CRACD: variants seen among roughly 807,000 people sequenced by gnomAD.
CRACD encodes capping protein inhibiting regulator of actin dynamics.
A neutral mutation model predicts 106.8 loss-of-function variants in CRACD; 56 were observed. The observed-to-expected ratio is 0.52, with a 90% CI of 0.42 to 0.66. CRACD has a LOEUF of 0.66. CRACD is among the 30% of genes least tolerant of loss of function. The pLI is 0.00. For synonymous variants in CRACD, 754 were observed against 670.8 expected, an observed-to-expected ratio of 1.12 and a Z score of -1.92; for missense variants, 1,730 against 1,623.2, an observed-to-expected ratio of 1.07 and a Z score of -1.13.
chr4:56,210,542 A>T (rs996889803), intron 2 of CRACD, among the ~76,000 whole-genome samples: 1 of 152,230 alleles, frequency 6.6e-6, no homozygotes, highest in Non-Finnish European at 1.5e-5. Flanking sequence ...TGCAGCTTTA[A>T]AGAGAGGACA....
intron 2 of CRACD, among the ~76,000 whole-genome samples, chr4:56,255,810 G>A (rs1407116505): frequency 6.6e-6 from 1 of 152,134 alleles, no homozygotes; most frequent in Admixed American, 6.5e-5. Flanking sequence ...TTGGATTTTG[G>A]AGGCAACGTA....
At chr4:56,123,266 C>T (rs1449771379) in intron 1 of CRACD, among the ~76,000 whole-genome samples, 1 of 152,160 alleles carries the variant, frequency 6.6e-6, no homozygotes, top group Non-Finnish European at 1.5e-5. Context: ...GTACCATAGT[C>T]TGGGCGATTT....
chr4:56,327,888 G>T lies in CRACD; in HGVS notation c.*84G>T. The T allele has an allele frequency of 8.2e-7, 1 of 1,212,968 alleles. No individual in the cohort carries two copies. The highest frequency in any genetic ancestry group is 1.2e-6 in the Non-Finnish European group (1 of 860,056). The allele number at this position is 1,212,968 out of a possible 1,614,324, so 75.1% of individuals were successfully genotyped here. A position where few individuals can be genotyped will look rare whatever the true frequency, so the allele number is the denominator to read the frequency against. On this transcript the variant is annotated 3_prime_UTR_variant, in exon 11 of 11. Transcript: ENST00000682029. ...TTATTTATTTTTTATATGGGGTAAA[G>T]AAATCAAGCTAGGGAAAAGAAGCAT...
chr4:56,276,188 G>T lies in CRACD; in HGVS notation c.-17+3696G>T, dbSNP rs114447188. ...CATGATCCATTTTTAAGAATCTAAT[G>T]TGATTTCTTTTCTTAATTAAACACA... On this transcript the variant is annotated intron_variant, in intron 3 of 10. Coordinates refer to ENST00000682029, the MANE Select transcript of CRACD (RefSeq NM_001393381.1). Among the ~76,000 whole-genome samples, 1,344 of 152,220 alleles carry T rather than the reference G, an allele frequency of 8.8e-3. 28 individuals carry two copies. Among genetic ancestry groups the T allele is most frequent in the African/African-American group, 0.031 (1,294 of 41,550 alleles).
chr4:56,099,517 A>G (rs1003719935), intron 1 of CRACD, among the ~76,000 whole-genome samples: 1 of 152,156 alleles, frequency 6.6e-6, no homozygotes, highest in East Asian at 1.9e-4. Flanking sequence ...GGCTTTTGGC[A>G]TACTGACTGT....
intron 2 of CRACD, among the ~76,000 whole-genome samples, chr4:56,186,501 T>C (rs1354583014): frequency 6.6e-6 from 1 of 152,196 alleles, no homozygotes; most frequent in Non-Finnish European, 1.5e-5. Context: ...AGTAACTAGT[T>C]TGACAAGAAA....
At chr4:56,268,409 T>C (rs1742152065) in intron 2 of CRACD, among the ~76,000 whole-genome samples, 1 of 152,120 alleles carries the variant, frequency 6.6e-6, no homozygotes, top group African/African-American at 2.4e-5. Context: ...GGAATGTTTC[T>C]GATTAGAAAT....
At chr4:56,096,197 C>T (rs911781907) in intron 1 of CRACD, among the ~76,000 whole-genome samples, 3 of 152,020 alleles carry the variant, frequency 2.0e-5, no homozygotes, top group Admixed American at 6.6e-5. Flanking sequence ...TGGAAACATA[C>T]ATTGGAGAAG....
At position 56,186,390 on chromosome 4, in the gene CRACD, A is replaced by G. The variant is rs2109446741; in HGVS notation, c.-189+6960A>G. Among the ~76,000 whole-genome samples the G allele has an allele frequency of 2.0e-5, 3 of 152,268 alleles. No individual in the cohort carries two copies. In the South Asian group the frequency reaches 6.2e-4, roughly 32 times the overall value. On this transcript the variant is annotated intron_variant, in intron 2 of 10. Coordinates refer to ENST00000682029, the MANE Select transcript of CRACD (RefSeq NM_001393381.1). ...GACAAACGATGACTTGTCTCCATCA[A>G]ATGTGATTGTTGTATACTGTACTAT...
chr4:56,248,993 G>T (rs1156925523), intron 2 of CRACD, among the ~76,000 whole-genome samples: 1 of 97,244 alleles, frequency 1.0e-5, no homozygotes, highest in Non-Finnish European at 2.1e-5. Flanking sequence ...ATTTGGGTTG[G>T]TTCCAAGTCT....
At chr4:56,189,381 T>A (rs1333886469) in intron 2 of CRACD, among the ~76,000 whole-genome samples, 1 of 152,092 alleles carries the variant, frequency 6.6e-6, no homozygotes, top group Non-Finnish European at 1.5e-5. Context: ...ATTTAAAAAG[T>A]ATTTCTTTTT....
At chr4:56,175,222 C>T (rs1736533517) in intron 1 of CRACD, among the ~76,000 whole-genome samples, 1 of 152,160 alleles carries the variant, frequency 6.6e-6, no homozygotes, top group Non-Finnish European at 1.5e-5. Context: ...TGGTAGTTCT[C>T]TTCTTAGTTT....
intron 1 of CRACD, among the ~76,000 whole-genome samples, chr4:56,134,310 A>T (rs1734928461): frequency 6.6e-6 from 1 of 152,296 alleles, no homozygotes; most frequent in Admixed American, 6.5e-5. Context: ...CATACCCCCC[A>T]TTCCTTCCTG....
intron 2 of CRACD, among the ~76,000 whole-genome samples, chr4:56,257,526 G>GAA (rs533700935): frequency 8.9e-5 from 11 of 123,010 alleles, no homozygotes; most frequent in Non-Finnish European, 1.2e-4. Flanking sequence ...TGTCTCTACA[G>GAA]AAAAAAAAAA....
chr4:56,132,026 G>T (rs1009758741), intron 1 of CRACD, among the ~76,000 whole-genome samples: 1 of 152,092 alleles, frequency 6.6e-6, no homozygotes, highest in African/African-American at 2.4e-5. Flanking sequence ...TAATAGTGAA[G>T]AATATGGCTA....
intron 2 of CRACD, among the ~76,000 whole-genome samples, chr4:56,246,142 T>C (rs1740667603): frequency 6.6e-6 from 1 of 152,070 alleles, no homozygotes; most frequent in African/African-American, 2.4e-5. Context: ...TGCAGTGTGG[T>C]TCTCAGTGAA....
chr4:56,247,392 G>T (rs1740744483), intron 2 of CRACD, among the ~76,000 whole-genome samples: 1 of 152,164 alleles, frequency 6.6e-6, no homozygotes, highest in Non-Finnish European at 1.5e-5. Context: ...TTTTCCAGAT[G>T]TGTGATTTGG....
chr4:56,088,053 C>A (rs375561493), intron 1 of CRACD, among the ~76,000 whole-genome samples: 2 of 151,950 alleles, frequency 1.3e-5, no homozygotes, highest in African/African-American at 4.8e-5. Context: ...AATTTTCTAA[C>A]ACTTACAGAA....
intron 1 of CRACD, among the ~76,000 whole-genome samples, chr4:56,081,495 A>G (rs1733026252): frequency 6.6e-6 from 1 of 152,194 alleles, no homozygotes; most frequent in Admixed American, 6.5e-5. Context: ...GCTATATAAG[A>G]GTTGTTGCAA....
Sources: gnomAD v4.1 joint callset for allele counts (sites outside exome capture counted in the v4.1 genomes callset) on GRCh38, gnomAD v4.1.1 for gene constraint, MANE v1.5 for transcripts, NCBI Gene and HGNC (gene_info 2026-07-23, HGNC 2026-07-21) for gene names.